DNAH3: variants seen among roughly 807,000 people sequenced by gnomAD.
DNAH3 encodes dynein axonemal heavy chain 3.
DNAH3 carries 332 observed loss-of-function variants against 432.5 expected under a neutral mutation model. The observed-to-expected ratio is 0.77, with a 90% CI of 0.70 to 0.84. DNAH3 has a LOEUF of 0.84. DNAH3 is among the 40% of genes least tolerant of loss of function. The pLI is 0.00. For missense variants in DNAH3, 4,861 were observed against 5,114.0 expected (o/e 0.95, Z 1.51); for synonymous variants, 1,956 against 1,900.2 (o/e 1.03, Z -0.76).
At chr16:21,080,648 T>C (rs1175075769) in intron 20 of DNAH3, among the ~76,000 whole-genome samples, 1 of 152,188 alleles carries the variant, frequency 6.6e-6, no homozygotes, top group African/African-American at 2.4e-5. Flanking sequence ...AATTTGATTA[T>C]GTGGGTTGGG....
chr16:20,979,302 G>C, intron 50 of DNAH3, 28 bp downstream of exon 50: 1 of 1,610,270 alleles, frequency 6.2e-7, no homozygotes, highest in East Asian at 2.2e-5. Flanking sequence ...GGGCCTCTTT[G>C]TCTCTGTTCT....
exon 14 of DNAH3, chr16:21,111,722 G>C (rs2092077132): frequency 6.2e-7 from 1 of 1,613,940 alleles, no homozygotes; most frequent in African/African-American, 1.3e-5. Flanking sequence ...TAGGGCCGTA[G>C]CATCAAGGCA....
rs757664580 is a variant in DNAH3, at chr16:21,148,454, TG to T, written c.118-2367del. Among the ~76,000 whole-genome samples, 848 of 148,974 alleles carry T rather than the reference TG, an allele frequency of 5.7e-3. 14 individuals carry two copies. Among genetic ancestry groups the T allele is most frequent in the Non-Finnish European group, 3.4e-3 (227 of 67,242 alleles). ...ATTATTATTATTTATTTTTTTTTTT[TG>T]AGTCCAAGTTTTCGCTCTGTCGCCC... is the stretch of plus-strand genomic sequence containing the variant. On this transcript the variant is annotated intron_variant, in intron 1 of 61. Coordinates refer to ENST00000261383, the Ensembl canonical transcript of DNAH3.
intron 33 of DNAH3, among the ~76,000 whole-genome samples, chr16:21,039,605 C>G (rs1178345610): frequency 6.6e-6 from 1 of 152,084 alleles, no homozygotes; most frequent in Non-Finnish European, 1.5e-5. Context: ...TAGCTACTTT[C>G]TTTAACAGAA....
At chr16:21,136,211 C>T in intron 6 of DNAH3, 113 bp downstream of exon 7, 1 of 1,049,046 alleles carries the variant, frequency 9.5e-7, no homozygotes, top group East Asian at 2.4e-5. Context: ...CCCAGGAGTT[C>T]CAGACCAGCC....
At chr16:21,062,353 C>T (rs991929544) in intron 25 of DNAH3, 129 bp downstream of exon 25, 9 of 703,588 alleles carry the variant, frequency 1.3e-5, no homozygotes, top group Non-Finnish European at 1.9e-5. Flanking sequence ...AATCTTCAGT[C>T]GTTACATCGT....
chr16:21,153,073 G>C (rs1201660734), intron 1 of DNAH3, among the ~76,000 whole-genome samples: 1 of 152,250 alleles, frequency 6.6e-6, no homozygotes, highest in African/African-American at 2.4e-5. Flanking sequence ...AGTCTGATGG[G>C]GACGTGGAGA....
At chr16:21,102,039 G>T (rs1183517677) in intron 16 of DNAH3, among the ~76,000 whole-genome samples, 1 of 152,228 alleles carries the variant, frequency 6.6e-6, no homozygotes, top group African/African-American at 2.4e-5. Context: ...TCATGAGATG[G>T]ATGGATGCAT....
intron 35 of DNAH3, among the ~76,000 whole-genome samples, chr16:21,035,599 G>C (rs897163248): frequency 6.6e-6 from 1 of 152,042 alleles, no homozygotes; most frequent in East Asian, 1.9e-4. Flanking sequence ...GTAAAATCTG[G>C]GTGGTGAGTA....
At chr16:20,937,164 C>CT (rs1173781365) in intron 59 of DNAH3, among the ~76,000 whole-genome samples, 4 of 151,390 alleles carry the variant, frequency 2.6e-5, no homozygotes, top group East Asian at 1.9e-4. Context: ...TCCTTTTTTT[C>CT]TTTTTTTTAG....
intron 12 of DNAH3, among the ~76,000 whole-genome samples, chr16:21,112,479 T>C (rs770901612): frequency 3.9e-5 from 6 of 152,068 alleles, no homozygotes; most frequent in Non-Finnish European, 8.8e-5. Flanking sequence ...ACGTCTTACA[T>C]GGCAGTGGCA....
chr16:20,947,181 G>A (rs1483525334), intron 57 of DNAH3, among the ~76,000 whole-genome samples: 1 of 151,868 alleles, frequency 6.6e-6, no homozygotes, highest in African/African-American at 2.4e-5. Flanking sequence ...TATACTCTGG[G>A]GAATGTCATA....
At chr16:21,040,932 G>A (rs1225569589) in intron 32 of DNAH3, among the ~76,000 whole-genome samples, 1 of 152,174 alleles carries the variant, frequency 6.6e-6, no homozygotes, top group Non-Finnish European at 1.5e-5. Flanking sequence ...TAGAGCTAGA[G>A]CCAGGGCTAG....
At chr16:21,034,351 A>C (rs931853886) in intron 35 of DNAH3, among the ~76,000 whole-genome samples, 4 of 152,236 alleles carry the variant, frequency 2.6e-5, no homozygotes. Context: ...CTGATAACCC[A>C]AATTATTTAA....
intron 54 of DNAH3, 120 bp from the exon 55 acceptor site, chr16:20,955,177 C>T (rs2084506349): frequency 3.2e-6 from 3 of 937,086 alleles, no homozygotes; most frequent in African/African-American, 1.6e-5. Context: ...TGGTAAAACC[C>T]CATCTCTATG....
chr16:21,056,359 T>C (rs76631526), intron 27 of DNAH3, among the ~76,000 whole-genome samples: 4,747 of 150,934 alleles, frequency 0.031, 264 homozygotes, highest in African/African-American at 0.11. Flanking sequence ...TCTCTTACTC[T>C]TTCCTTCCTT....
chr16:21,076,050 GT>G (rs2090964718), intron 20 of DNAH3, among the ~76,000 whole-genome samples: 1 of 151,934 alleles, frequency 6.6e-6, no homozygotes. Context: ...GTTTTGCAGG[GT>G]TTCTCACCCT....
chr16:21,075,509 A>G (rs893164947), exon 21 of DNAH3: 4 of 1,613,926 alleles, frequency 2.5e-6, no homozygotes, highest in East Asian at 2.2e-5. Context: ...ATTCTATCCA[A>G]GTTTTTCTCC....
chr16:20,962,689 G>T (rs1364600492), intron 53 of DNAH3, among the ~76,000 whole-genome samples: 1 of 152,112 alleles, frequency 6.6e-6, no homozygotes, highest in Non-Finnish European at 1.5e-5. Context: ...AGGGGGCAGG[G>T]TCTGTCACCT....
Sources: gnomAD v4.1 joint callset for allele counts (sites outside exome capture counted in the v4.1 genomes callset) on GRCh38, gnomAD v4.1.1 for gene constraint, MANE v1.5 for transcripts, NCBI Gene and HGNC (gene_info 2026-07-23, HGNC 2026-07-21) for gene names.